The following PER2 variants were observed in gnomAD, a reference collection of about 807,000 sequenced individuals.
The protein encoded by PER2 is period circadian protein homolog 2.
In PER2, 66 loss-of-function variants were observed where a neutral mutation model predicts 121.0. That is an observed-to-expected ratio of 0.55 (90% CI 0.45 to 0.67). The LOEUF is 0.67. PER2 is among the 30% of genes least tolerant of loss of function. PER2 has a pLI of 0.00. For synonymous variants in PER2, 684 were observed against 659.9 expected, an observed-to-expected ratio of 1.04 and a Z score of -0.56; for missense variants, 1,521 against 1,635.0, an observed-to-expected ratio of 0.93 and a Z score of 1.20.
At chr2:238,280,260 C>T (rs1696590064) in intron 1 of PER2, among the ~76,000 whole-genome samples, 1 of 152,236 alleles carries the variant, frequency 6.6e-6, no homozygotes, top group African/African-American at 2.4e-5. Context: ...CGAGCCCATT[C>T]GCCGGTGAGC....
Position 238,250,632 on chromosome 2 carries a change from T to C in PER2, c.3386A>G (p.Lys1129Arg). The C allele has an allele frequency of 6.2e-7, 1 of 1,613,932 alleles. No homozygotes were observed. Among genetic ancestry groups the C allele is most frequent in the Non-Finnish European group, 8.5e-7 (1 of 1,179,740 alleles). The change falls in exon 21 of 23, where the codon AAG (lysine) becomes AGG (arginine). Residue 1129 changes from lysine to arginine, a missense_variant. Physicochemically the swap from Lys to Arg is conservative, Grantham distance 26 (BLOSUM62 2). Coordinates refer to ENST00000254657, the MANE Select transcript of PER2 (RefSeq NM_022817.3). ...TGMEESEHFI[K>R]CVLQDPIWLL... is the part of the protein sequence containing the mutation. ...CCAGATGGGATCCTGCAGGACGCACTTAATGAAATGCTCACTTTCTTCCAT... is the reference window on the plus strand; with the variant it reads ...CCAGATGGGATCCTGCAGGACGCACCTAATGAAATGCTCACTTTCTTCCAT...
At chr2:238,262,155 G>T (rs1482502289) in intron 11 of PER2, 36 bp downstream of exon 11, 5 of 1,606,884 alleles carry the variant, frequency 3.1e-6, no homozygotes, top group Middle Eastern at 2.0e-4. Context: ...CCCCGCCCAA[G>T]ACCCCTGAGC....
At chr2:238,257,954 G>C (rs567660382) in intron 16 of PER2, among the ~76,000 whole-genome samples, 1 of 152,242 alleles carries the variant, frequency 6.6e-6, no homozygotes, top group Non-Finnish European at 1.5e-5. Flanking sequence ...GGCTGCATGA[G>C]GGGGTCAGCA....
At chr2:238,270,604 A>G (rs766361904) in intron 6 of PER2, among the ~76,000 whole-genome samples, 1 of 152,166 alleles carries the variant, frequency 6.6e-6, no homozygotes, top group African/African-American at 2.4e-5. Flanking sequence ...GGGGCACAGG[A>G]GGCCCTGAGG....
intron 1 of PER2, among the ~76,000 whole-genome samples, chr2:238,287,541 C>T (rs1195871835): frequency 1.3e-5 from 2 of 152,194 alleles, no homozygotes; most frequent in East Asian, 1.9e-4. Flanking sequence ...GACTTAAGGC[C>T]CTTCCTCCCA....
upstream of PER2, among the ~76,000 whole-genome samples, chr2:238,292,332 A>T (rs923802239): frequency 6.6e-6 from 1 of 152,216 alleles, no homozygotes; most frequent in Non-Finnish European, 1.5e-5. Flanking sequence ...AAGTCACAAG[A>T]TTGAGCCATC....
chr2:238,256,972 T>A lies in PER2; in HGVS notation c.2015A>T (p.Tyr672Phe). 6.2e-7 allele frequency: 1 copy of A among 1,614,076 alleles called. No individual in the cohort carries two copies. Among genetic ancestry groups the A allele is most frequent in the Non-Finnish European group, 8.5e-7 (1 of 1,179,980 alleles). The change falls in exon 17 of 23, where the codon TAC becomes TTC. Residue 672 changes from tyrosine to phenylalanine, a missense_variant. Transcript: ENST00000254657. ...SVASLTSQCSYSSTIVHVGDK... is the reference protein window; with the variant it reads ...SVASLTSQCSFSSTIVHVGDK... ...TCCCACATGGACGATGGTGCTGCTG[T>A]AGCTGCACTGGCTGGTGAGCGACGC...
intron 4 of PER2, among the ~76,000 whole-genome samples, chr2:238,275,207 A>G (rs1000865959): frequency 1.3e-5 from 2 of 152,232 alleles, no homozygotes; most frequent in Non-Finnish European, 2.9e-5. Context: ...TGCGCAACAC[A>G]TGAAAAGGCA....
At position 238,253,494 on chromosome 2, in the gene PER2, G is replaced by A. The variant is rs762573197; in HGVS notation, c.2529C>T (p.Ala843=). 8.1e-6 allele frequency: 13 copies of A among 1,612,324 alleles called. No individual in the cohort carries two copies. The highest frequency in any genetic ancestry group is 5.3e-5 in the African/African-American group (4 of 74,912). ...PSDTSQSSCP[A]VPFPAPVPAA... is the part of the protein sequence containing the mutation. ...CTGGCACTGGGGCGGGAAAGGGCAC[G>A]GCTGGGCAGCTGGACTGGGACGTGT... The change falls in exon 19 of 23, where the codon GCC becomes GCT. Residue 843 remains alanine (A), a synonymous_variant. Transcript: ENST00000254657. This position sits in a 1 kb window ranked among gnomAD's most constrained non-coding sequence, Gnocchi z 5.6.
At chr2:238,246,678 C>T (rs983712213) in intron 22 of PER2, among the ~76,000 whole-genome samples, 154 bp from the exon 23 acceptor site, 1 of 152,218 alleles carries the variant, frequency 6.6e-6, no homozygotes, top group Non-Finnish European at 1.5e-5. Flanking sequence ...AGATCGAGAC[C>T]TTCCTGGCTA....
intron 16 of PER2, among the ~76,000 whole-genome samples, chr2:238,258,029 G>A (rs527747788): frequency 1.3e-5 from 2 of 152,286 alleles, no homozygotes; most frequent in African/African-American, 2.4e-5. Flanking sequence ...GTCTGCATGA[G>A]GGGGGTCAGG....
At chr2:238,257,112 C>T (rs1290080426) in intron 16 of PER2, 26 bp from the exon 17 acceptor site, 1 of 1,605,432 alleles carries the variant, frequency 6.2e-7, no homozygotes, top group South Asian at 1.1e-5. Flanking sequence ...GGGGAACAAA[C>T]ATTAGTGTGT....
At position 238,261,025 on chromosome 2, in the gene PER2, A is replaced by G. The variant is rs1695911422; in HGVS notation, c.1417-72T>C. ...GCTATGCATGTGGCCCCCTGCCAAC[A>G]CACCCTGTTTCGCAGAGAGGATGGC... On this transcript the variant is annotated intron_variant, in intron 12 of 22. Transcript: ENST00000254657. 2.6e-6 allele frequency: 4 copies of G among 1,565,318 alleles called. No homozygotes were observed. The African/African-American group carries it at 4.0e-5, about 16-fold the overall frequency.
chr2:238,267,776 G>T (rs561768012), intron 8 of PER2, among the ~76,000 whole-genome samples: 1 of 152,320 alleles, frequency 6.6e-6, no homozygotes, highest in East Asian at 1.9e-4. Flanking sequence ...AAAAGGCAGA[G>T]CAGCCAGGGA....
At chr2:238,250,507 A>G in intron 21 of PER2, 44 bp downstream of exon 21, 1 of 1,423,208 alleles carries the variant, frequency 7.0e-7, no homozygotes, top group Non-Finnish European at 9.8e-7. Context: ...GAGCTCCTGA[A>G]CCCCATCCCT....
At position 238,255,457 on chromosome 2, in the gene PER2, G is replaced by A. The variant is rs574829817; in HGVS notation, c.2320+200C>T. On this transcript the variant is annotated intron_variant, in intron 18 of 22. Transcript: ENST00000254657. ...AGCCTGGGACTATTCCCCAGGGAATGCAAGCTGACATCCCGAGAGCACCCC... is the reference window on the plus strand; with the variant it reads ...AGCCTGGGACTATTCCCCAGGGAATACAAGCTGACATCCCGAGAGCACCCC... 7.3e-5 allele frequency: 47 copies of A among 645,942 alleles called. No individual in the cohort carries two copies. In the Admixed American group the frequency reaches 1.1e-3, roughly 15 times the overall value. The allele number at this position is 645,942 out of a possible 1,614,324, so 40.0% of individuals were successfully genotyped here.
At chr2:238,251,127 C>T (rs141113244) in intron 20 of PER2, among the ~76,000 whole-genome samples, 89 of 152,346 alleles carry the variant, frequency 5.8e-4, no homozygotes, top group African/African-American at 1.5e-3. Context: ...CTGTGCAGCA[C>T]GCCTGCGAAG....
In PER2 at chr2:238,253,688, T is replaced by C. The variant is rs1336367399; in HGVS notation, c.2335A>G (p.Arg779Gly). 1 of 1,605,754 alleles carries C rather than the reference T, an allele frequency of 6.2e-7. No homozygotes were observed. The highest frequency in any genetic ancestry group is 8.5e-7 in the Non-Finnish European group (1 of 1,175,300). ...GGTGAATCTATTCCGGAAGTATTTCTTAGTCCAGGGGCAGCTAATGCAGAA... is the reference window on the plus strand; with the variant it reads ...GGTGAATCTATTCCGGAAGTATTTCCTAGTCCAGGGGCAGCTAATGCAGAA... ...QPSERTAPGL[R>G]NTSGIDSPWK... The change falls in exon 19 of 23, where the codon AGA becomes GGA. Residue 779 changes from arginine (R) to glycine (G), a missense_variant. Arg to Gly is a moderately radical substitution (Grantham distance 125). Transcript: ENST00000254657. The surrounding 1 kb of genome is among the most constrained non-coding windows in gnomAD (Gnocchi z 5.6).
At chr2:238,283,558 C>T (rs1003015116) in intron 1 of PER2, among the ~76,000 whole-genome samples, 3 of 152,174 alleles carry the variant, frequency 2.0e-5, no homozygotes, top group Non-Finnish European at 4.4e-5. Context: ...GGAAGGTGCA[C>T]GAGGCTGGAG....
Sources: gnomAD v4.1 joint callset for allele counts (sites outside exome capture counted in the v4.1 genomes callset) on GRCh38, gnomAD v4.1.1 for gene constraint, Gnocchi (gnomAD v3.1) non-coding constraint, MANE v1.5 for transcripts, NCBI Gene and HGNC (gene_info 2026-07-23, HGNC 2026-07-21) for gene names.